The following BMP5 variants were observed in gnomAD, a reference collection of about 807,000 sequenced individuals.
BMP5 encodes bone morphogenetic protein 5.
In BMP5, 23 loss-of-function variants were observed where a neutral mutation model predicts 46.6. The ratio of observed to expected loss-of-function variants is 0.49; its 90% CI spans 0.35 to 0.70. The LOEUF (loss-of-function observed/expected upper bound fraction) is 0.70. BMP5 is among the 30% of genes least tolerant of loss of function. BMP5 has a pLI of 0.00. For synonymous variants in BMP5, 204 were observed against 191.9 expected, an observed-to-expected ratio of 1.06 and a Z score of -0.52; for missense variants, 545 against 565.6, an observed-to-expected ratio of 0.96 and a Z score of 0.37.
intron 2 of BMP5, among the ~76,000 whole-genome samples, chr6:55,796,317 T>C (rs1775710896): frequency 6.6e-6 from 1 of 152,066 alleles, no homozygotes; most frequent in Admixed American, 6.6e-5. Context: ...ACAAATTTCT[T>C]TTGGTAGTCA....
chr6:55,783,581 T>C (rs1191023624), intron 3 of BMP5, among the ~76,000 whole-genome samples: 3 of 151,974 alleles, frequency 2.0e-5, no homozygotes, highest in Non-Finnish European at 4.4e-5. Flanking sequence ...TTGAGAGATA[T>C]GTCAACAATA....
intron 1 of BMP5, among the ~76,000 whole-genome samples, chr6:55,823,126 A>C (rs1208678568): frequency 6.6e-6 from 1 of 152,142 alleles, no homozygotes; most frequent in South Asian, 2.1e-4. Context: ...ACAGCTACAT[A>C]GTAACAGATG....
intron 4 of BMP5, among the ~76,000 whole-genome samples, chr6:55,770,293 T>C (rs1225280564): frequency 3.3e-5 from 5 of 151,938 alleles, no homozygotes; most frequent in Non-Finnish European, 2.9e-5. Flanking sequence ...TCTTCATCAA[T>C]ACTTGCTGTT....
intron 2 of BMP5, among the ~76,000 whole-genome samples, chr6:55,806,701 G>A (rs1488545650): frequency 1.3e-5 from 2 of 152,148 alleles, no homozygotes; most frequent in Non-Finnish European, 2.9e-5. Context: ...CTATCCACAA[G>A]AATAGAATGT....
chr6:55,838,407 C>A (rs554508665), intron 1 of BMP5, among the ~76,000 whole-genome samples: 2 of 152,232 alleles, frequency 1.3e-5, no homozygotes, highest in South Asian at 2.1e-4. Flanking sequence ...TGTTGAGCAC[C>A]TTTTCATATA....
intron 3 of BMP5, among the ~76,000 whole-genome samples, chr6:55,783,371 TTTTG>T (rs938092564): frequency 5.9e-5 from 9 of 152,078 alleles, no homozygotes; most frequent in African/African-American, 9.7e-5. Context: ...TGCCTTTGTT[TTTTG>T]TTTGTTTGTT....
At chr6:55,838,627 G>C (rs544779764) in intron 1 of BMP5, among the ~76,000 whole-genome samples, 1 of 151,946 alleles carries the variant, frequency 6.6e-6, no homozygotes, top group African/African-American at 2.4e-5. Context: ...TTCCCTTGCT[G>C]TGCAGAAGGT....
Position 55,788,045 on chromosome 6 carries a change from A to G in BMP5, c.832+6234T>C, listed in dbSNP as rs193278811. 1.6e-3 allele frequency among the ~76,000 whole-genome samples: 248 copies of G among 151,742 alleles called. 1 individual carries two copies. The highest frequency in any genetic ancestry group is 5.7e-3 in the African/African-American group (235 of 41,510). ...TTTGATCTTGTGTTCTATGAACATT[A>G]AAATCCTGCTTGTAATTCAATTATC... On this transcript the variant is annotated intron_variant, in intron 3 of 6. Transcript: ENST00000370830.
At chr6:55,850,956 TGCATAGCAG>T (rs1423653030) in intron 1 of BMP5, among the ~76,000 whole-genome samples, 2 of 152,148 alleles carry the variant, frequency 1.3e-5, no homozygotes, top group African/African-American at 2.4e-5. Context: ...TTTTCTGCAC[TGCATAGCAG>T]TTGAATGGTA....
chr6:55,837,958 G>C (rs1776860345), intron 1 of BMP5, among the ~76,000 whole-genome samples: 2 of 151,998 alleles, frequency 1.3e-5, no homozygotes, highest in Non-Finnish European at 2.9e-5. Context: ...ATGATACCTA[G>C]TTTCATCCAT....
intron 1 of BMP5, among the ~76,000 whole-genome samples, chr6:55,824,302 A>G (rs1251035441): frequency 2.0e-5 from 3 of 152,120 alleles, no homozygotes; most frequent in African/African-American, 7.2e-5. Flanking sequence ...AGAGAAGTGT[A>G]TACTATTATT....
At position 55,755,486 on chromosome 6, in the gene BMP5, A is replaced by C; in HGVS notation, c.*47T>G. ...TGAAAGTATGCTTTTTATTGCAGCC[A>C]TAAACCTTAATACAGATCTTTTTGT... On this transcript the variant is annotated 3_prime_UTR_variant, in exon 7 of 7. Transcript: ENST00000370830. The C allele has an allele frequency of 6.4e-7, 1 of 1,559,064 alleles. No homozygotes were observed. The highest frequency in any genetic ancestry group is 8.8e-7 in the Non-Finnish European group (1 of 1,137,446).
chr6:55,851,755 G>C (rs980835870), intron 1 of BMP5, among the ~76,000 whole-genome samples: 15 of 152,128 alleles, frequency 9.9e-5, no homozygotes, highest in African/African-American at 2.9e-4. Flanking sequence ...CATGGCCACA[G>C]TGTTAATACT....
intron 1 of BMP5, among the ~76,000 whole-genome samples, chr6:55,852,276 G>GT (rs940718202): frequency 7.3e-5 from 11 of 151,702 alleles, no homozygotes; most frequent in South Asian, 2.1e-4. Flanking sequence ...TTTAAGATGA[G>GT]TTTTTTTTGT....
chr6:55,753,727 T>G lies in BMP5; in HGVS notation c.*1806A>C, dbSNP rs1774511575. 1 of 123,726 alleles carries G rather than the reference T, an allele frequency of 8.1e-6. No individual in the cohort carries two copies. Among genetic ancestry groups the G allele is most frequent in the African/African-American group, 3.1e-5 (1 of 32,468 alleles). 7.7% of individuals were successfully genotyped at this position (123,726 alleles called of 1,614,324 possible). A position where few individuals can be genotyped will look rare whatever the true frequency, so the allele number is the denominator to read the frequency against. ...ACAATTTTGGCAATTAAGAACAACA[T>G]AAAGAATCATGTGATCCACAAACAG... On this transcript the variant is annotated 3_prime_UTR_variant, in exon 7 of 7. Transcript: ENST00000370830.
intron 2 of BMP5, among the ~76,000 whole-genome samples, chr6:55,801,239 A>G (rs1775842140): frequency 6.6e-6 from 1 of 152,204 alleles, no homozygotes; most frequent in Non-Finnish European, 1.5e-5. Context: ...TGCTTAGAAG[A>G]CTACCTTGTG....
intron 3 of BMP5, among the ~76,000 whole-genome samples, chr6:55,788,684 T>A (rs1057364407): frequency 2.0e-5 from 3 of 151,874 alleles, no homozygotes; most frequent in African/African-American, 7.2e-5. Context: ...ACATACCTTG[T>A]GAGGTAATTA....
intron 1 of BMP5, among the ~76,000 whole-genome samples, chr6:55,834,925 TA>T (rs1776753660): frequency 6.6e-6 from 1 of 151,582 alleles, no homozygotes; most frequent in South Asian, 2.1e-4. Flanking sequence ...TACTAAAAAT[TA>T]AAACAAAAAA....
chr6:55,827,920 T>C (rs1354485344), intron 1 of BMP5, among the ~76,000 whole-genome samples: 1 of 151,868 alleles, frequency 6.6e-6, no homozygotes, highest in Non-Finnish European at 1.5e-5. Flanking sequence ...AACTGTCTGA[T>C]AGCCATCTTT....
Sources: gnomAD v4.1 joint callset for allele counts (sites outside exome capture counted in the v4.1 genomes callset) on GRCh38, gnomAD v4.1.1 for gene constraint, MANE v1.5 for transcripts, NCBI Gene and HGNC (gene_info 2026-07-23, HGNC 2026-07-21) for gene names.